Variants in CDC42BPG observed in about 807,000 individuals in gnomAD.
The protein encoded by CDC42BPG is CDC42 binding protein kinase gamma, also known as serine/threonine-protein kinase MRCK gamma.
In CDC42BPG, 157 loss-of-function variants were observed where a neutral mutation model predicts 192.2. The ratio of observed to expected loss-of-function variants is 0.82; its 90% confidence interval spans 0.72 to 0.93. The LOEUF (loss-of-function observed/expected upper bound fraction) is 0.93. Among genes scored for constraint, CDC42BPG ranks in the 40% least tolerant of loss-of-function variants. CDC42BPG has a pLI of 0.00. For synonymous variants in CDC42BPG, 981 were observed against 918.5 expected (o/e 1.07, Z -1.23); for missense variants, 1,992 against 2,122.1 (o/e 0.94, Z 1.20).
At position 64,827,351 on chromosome 11, in the gene CDC42BPG, G is replaced by A; in HGVS notation, c.4198C>T (p.Gln1400Ter). ...IPDLTDNSRR[Q>*]LFRTKSKRRF... ...CGCTTGCTCTTGGTGCGGAACAGCT[G>A]GCGCCGGCTGTTGTCGGTGAGGTCC... The change falls in exon 33 of 37, where the codon CAG becomes TAG. Residue 1400 changes from glutamine (Q) to a stop codon, truncating the protein, a stop_gained. Transcript: ENST00000342711. LOFTEE classifies it high-confidence loss of function. 3 of 1,614,136 alleles carry A rather than the reference G, an allele frequency of 1.9e-6. No individual in the cohort carries two copies. Among genetic ancestry groups the A allele is most frequent in the Non-Finnish European group, 1.7e-6 (2 of 1,179,966 alleles).
chr11:64,836,591 C>T (rs537540423), intron 11 of CDC42BPG, 61 bp from the exon 12 acceptor site: 1 of 1,464,776 alleles, frequency 6.8e-7, no homozygotes, highest in East Asian at 2.3e-5. Context: ...AGCCCAGGAG[C>T]AAGTCTCCTT....
chr11:64,836,380 ACCTCACCCACCTCACCCAGC>A (rs747679214), intron 12 of CDC42BPG, 27 bp downstream of exon 12: 36 of 1,604,588 alleles, frequency 2.2e-5, no homozygotes, highest in African/African-American at 1.1e-4. Flanking sequence ...CCACTCACCC[ACCTCACCCACCTCACCCAGC>A]CCTCACCCAC....
intron 8 of CDC42BPG, 111 bp from the exon 9 acceptor site, chr11:64,838,273 CAG>C (rs1491554309): frequency 6.5e-5 from 51 of 783,924 alleles, no homozygotes; most frequent in Non-Finnish European, 8.7e-5. Flanking sequence ...GGTGGGAACT[CAG>C]GGGGGTAACA....
Position 64,831,679 on chromosome 11 carries a change from C to A in CDC42BPG, c.3130G>T (p.Val1044Leu). 6 of 1,608,362 alleles carry A rather than the reference C, an allele frequency of 3.7e-6. No homozygotes were observed. Among genetic ancestry groups the A allele is most frequent in the Non-Finnish European group, 5.1e-6 (6 of 1,179,288 alleles). The change falls in exon 28 of 37, where the codon GTG (valine) becomes TTG (leucine). Residue 1044 changes from valine (V) to leucine (L), a missense_variant. Val to Leu is a conservative substitution (Grantham distance 32, BLOSUM62 1). Transcript: ENST00000342711. ...QLAVPPTTCT[V>L]LLLAESEGER... ...CCCTCGCTCTCTGCCAGCAGCAGCA[C>A]AGTGCACGTGGTGGGCGGCACTGCC...
At position 64,841,576 on chromosome 11, in the gene CDC42BPG, T is replaced by C. The variant is rs529410908; in HGVS notation, c.336+74A>G. 318 of 768,146 alleles carry C rather than the reference T, an allele frequency of 4.1e-4. No homozygotes were observed. The African/African-American group carries it at 5.3e-3, about 13-fold the overall frequency. The allele number at this position is 768,146 out of a possible 1,614,324, so 47.6% of individuals were successfully genotyped here. A position where few individuals can be genotyped will look rare whatever the true frequency, so the allele number is the denominator to read the frequency against. On this transcript the variant is annotated intron_variant, in intron 3 of 36. Transcript: ENST00000342711. Reference sequence around the variant, plus strand: ...AGCCTTGCCCGCCCCCCCCGCGCCATAGGCCCTGGCAGCATACACCTCCCC... The same window carrying C: ...AGCCTTGCCCGCCCCCCCCGCGCCACAGGCCCTGGCAGCATACACCTCCCC...
rs376301444 is a variant in CDC42BPG, at chr11:64,835,826, C to T, written c.1694G>A (p.Ser565Asn). The change falls in exon 14 of 37, where the codon AGC (serine) becomes AAC (asparagine). Residue 565 changes from serine to asparagine, a missense_variant. Ser to Asn is a conservative substitution (Grantham distance 46). This residue lies in a region of CDC42BPG where 1,656 missense variants were observed against 1,844.3 expected (regional missense o/e 0.90). Coordinates refer to ENST00000342711, the MANE Select transcript of CDC42BPG (RefSeq NM_017525.3). ...RELEAQVSSL[S>N]RQVTQLQGQW... ...TCCCTGCAGCTGCGTCACCTGCCGG[C>T]TCAGGGAGGACACCTGGGCCTCCAG... The T allele has an allele frequency of 7.4e-6, 12 of 1,612,564 alleles. No homozygotes were observed. Among genetic ancestry groups the T allele is most frequent in the Non-Finnish European group, 9.3e-6 (11 of 1,179,800 alleles).
At position 64,829,494 on chromosome 11, in the gene CDC42BPG, C is replaced by T. The variant is rs771853631; in HGVS notation, c.3944G>A (p.Trp1315Ter). ...GRKSRGHELL[W>*]PAAPMGWGYA... The stretch of plus-strand genomic sequence containing the variant: ...ACCCCAGCCCATGGGCGCTGCTGGC[C>T]ACAACAGCTCGTGGCCACGAGACTT... Residue 1315 changes from tryptophan to a stop codon, truncating the protein, a stop_gained, in exon 30 of 37, where the codon TGG (tryptophan) becomes TAG (stop). Transcript: ENST00000342711. LOFTEE classifies it high-confidence loss of function. 16 of 1,612,920 alleles carry T rather than the reference C, an allele frequency of 9.9e-6. No individual in the cohort carries two copies. The highest frequency in any genetic ancestry group is 1.4e-5 in the Non-Finnish European group (16 of 1,179,932).
rs746726950 is a variant in CDC42BPG, at chr11:64,839,065, C to G, written c.844G>C (p.Val282Leu). 1 of 1,613,680 alleles carries G rather than the reference C, an allele frequency of 6.2e-7. No homozygotes were observed. Among genetic ancestry groups the G allele is most frequent in the South Asian group, 1.1e-5 (1 of 91,088 alleles). ...GETPFYAESL[V>L]ETYGKIMNHE... ...TTCATGATCTTGCCGTAGGTTTCCA[C>G]CAAGGACTCAGCATAGAAGGGCGTC... The change falls in exon 7 of 37, where the codon GTG (valine) becomes CTG (leucine). Residue 282 changes from valine to leucine, a missense_variant. Val to Leu is a conservative substitution (Grantham distance 32, BLOSUM62 1). Around this residue, in one of 2 missense-constraint regions of CDC42BPG, gnomAD observed 1,656 missense variants for 1,844.3 expected, o/e 0.90. Transcript: ENST00000342711.
In CDC42BPG at chr11:64,829,755, A is replaced by G. The variant is rs1244521989; in HGVS notation, c.3683T>C (p.Val1228Ala). 6.2e-7 allele frequency: 1 copy of G among 1,605,166 alleles called. No individual in the cohort carries two copies. The highest frequency in any genetic ancestry group is 8.5e-7 in the Non-Finnish European group (1 of 1,176,824). The change falls in exon 30 of 37, where the codon GTG (valine) becomes GCG (alanine). Residue 1228 changes from valine (V) to alanine (A), a missense_variant. Physicochemically the swap from Val to Ala is moderately conservative, Grantham distance 64 (BLOSUM62 0). Coordinates refer to ENST00000342711, the MANE Select transcript of CDC42BPG (RefSeq NM_017525.3). ...RIRELQAPAT[V>A]QSLGLLGDRL... ...GTCGCCCAGCAGCCCCAGGCTCTGC[A>G]CAGTGGCAGGTGCCTGCAGCTCACG...
At position 64,824,514 on chromosome 11, in the gene CDC42BPG, G is replaced by A. The variant is rs756697600; in HGVS notation, c.4615C>T (p.Arg1539Ter). 9.3e-6 allele frequency: 15 copies of A among 1,608,578 alleles called. No individual in the cohort carries two copies. The highest frequency in any genetic ancestry group is 4.5e-5 in the East Asian group (2 of 44,872). Reference protein sequence around the residue: ...TSLMQVSERPRSLPLSPELES... With the variant: ...TSLMQVSERP The stretch of plus-strand genomic sequence containing the variant: ...AATTCAGGGGATAGGGGGAGGCTTC[G>A]GGGCCGTTCTGAGACCTGCAGGAGA... The change falls in exon 37 of 37, where the codon CGA (arginine) becomes TGA (stop). Residue 1539 changes from arginine (R) to a stop codon, truncating the protein, a stop_gained. Coordinates refer to ENST00000342711, the MANE Select transcript of CDC42BPG (RefSeq NM_017525.3). LOFTEE classifies it high-confidence loss of function.
chr11:64,827,903 C>T (rs1453967484), intron 30 of CDC42BPG, 120 bp from the exon 31 acceptor site: 3 of 792,608 alleles, frequency 3.8e-6, no homozygotes, highest in Non-Finnish European at 5.8e-6. Flanking sequence ...TCTGAAGACT[C>T]CCTGTCGCCC....
At position 64,827,595 on chromosome 11, in the gene CDC42BPG, G is replaced by C. The variant is rs368370023; in HGVS notation, c.4082C>G (p.Pro1361Arg). The C allele has an allele frequency of 7.4e-5, 119 of 1,610,692 alleles. No individual in the cohort carries two copies. Among genetic ancestry groups the C allele is most frequent in the Non-Finnish European group, 9.8e-5 (115 of 1,177,780 alleles). ...GCCGTAGAGGAACAGGGAGCCCTCT[G>C]GATTGAGGGGCCGCACCTGAGGCAG... is the stretch of plus-strand genomic sequence containing the variant. Reference protein sequence around the residue: ...VPLKKVRPLNPEGSLFLYGTE... With the variant: ...VPLKKVRPLNREGSLFLYGTE... Residue 1361 changes from proline (P) to arginine (R), a missense_variant, in exon 32 of 37, where the codon CCA becomes CGA. Pro to Arg is a moderately radical substitution (Grantham distance 103). Around this residue, in one of 2 missense-constraint regions of CDC42BPG, gnomAD observed 336 missense variants for 277.9 expected, o/e 1.21. Transcript: ENST00000342711.
In CDC42BPG at chr11:64,834,532, C is replaced by A. The variant is rs1403787674; in HGVS notation, c.2221G>T (p.Ala741Ser). Residue 741 changes from alanine to serine, a missense_variant, in exon 19 of 37, where the codon GCC becomes TCC. Around this residue, in one of 2 missense-constraint regions of CDC42BPG, gnomAD observed 1,656 missense variants for 1,844.3 expected, o/e 0.90. Transcript: ENST00000342711. ...AGCGCTGACTGCAGCTCCAGCCTGG[C>A]CGAGGCCTCCATCTTCTGCAGTCGC... ...ARRLQKMEAS[A>S]RLELQSALEA... 1 of 1,586,082 alleles carries A rather than the reference C, an allele frequency of 6.3e-7. No individual in the cohort carries two copies. Among genetic ancestry groups the A allele is most frequent in the Non-Finnish European group, 8.6e-7 (1 of 1,163,828 alleles).
Position 64,831,810 on chromosome 11 carries a change from G to C in CDC42BPG, c.3088-89C>G, listed in dbSNP as rs901332528. 3 of 1,229,952 alleles carry C rather than the reference G, an allele frequency of 2.4e-6. No individual in the cohort carries two copies. The African/African-American group carries it at 4.5e-5, about 18-fold the overall frequency. The allele number at this position is 1,229,952 out of a possible 1,614,324, so 76.2% of individuals were successfully genotyped here. ...GCCTCCAGCAGCCGCTGTGCCCCGG[G>C]GGCCTAGCGTGCACTGTCAGCAGCA... On this transcript the variant is annotated intron_variant, in intron 27 of 36. Transcript: ENST00000342711.
chr11:64,823,139 T>G lies in CDC42BPG; in HGVS notation c.*1334A>C, dbSNP rs1406249357. On this transcript the variant is annotated 3_prime_UTR_variant, in exon 37 of 37. Coordinates refer to ENST00000342711, the MANE Select transcript of CDC42BPG (RefSeq NM_017525.3). ...TCTCACTCTGTCACCCAGGCTGGAG[T>G]GCAGTGGCGCGATCTCGGCTCACTG... 2.7e-5 allele frequency among the ~76,000 whole-genome samples: 4 copies of G among 149,352 alleles called. No individual in the cohort carries two copies. Among genetic ancestry groups the G allele is most frequent in the Non-Finnish European group, 5.9e-5 (4 of 67,502 alleles).
At chr11:64,839,288 C>T (rs1046590596) in intron 6 of CDC42BPG, 55 bp from the exon 7 acceptor site, 47 of 1,600,968 alleles carry the variant, frequency 2.9e-5, no homozygotes, top group Non-Finnish European at 4.0e-5. Context: ...GCTGGGACTG[C>T]TGGCTCCTCG....
chr11:64,825,035 G>T (rs1942366170), intron 36 of CDC42BPG, among the ~76,000 whole-genome samples: 1 of 152,102 alleles, frequency 6.6e-6, no homozygotes, highest in South Asian at 2.1e-4. Flanking sequence ...TCCTGCCTCG[G>T]CCCACCAGGT....
At position 64,836,158 on chromosome 11, in the gene CDC42BPG, G is replaced by C. The variant is rs768361584; in HGVS notation, c.1627C>G (p.Leu543Val). Residue 543 changes from leucine (L) to valine (V), a missense_variant, in exon 13 of 37, where the codon CTG becomes GTG. By Grantham distance (32) the Leu-to-Val change is conservative. Around this residue, in one of 2 missense-constraint regions of CDC42BPG, gnomAD observed 1,656 missense variants for 1,844.3 expected, o/e 0.90. Coordinates refer to ENST00000342711, the MANE Select transcript of CDC42BPG (RefSeq NM_017525.3). ...EAATASQTRA[L>V]SSQLEEARAA... ...CGGGCTTCCTCCAGCTGGGAGCTCA[G>C]GGCCCGGGTCTGGCTAGCTGTGGCC... 6.3e-7 allele frequency: 1 copy of C among 1,598,582 alleles called. No homozygotes were observed. The highest frequency in any genetic ancestry group is 1.3e-5 in the African/African-American group (1 of 74,710).
chr11:64,830,240 C>A lies in CDC42BPG; in HGVS notation c.3321G>T (p.Ala1107=), dbSNP rs768435210. The A allele has an allele frequency of 1.2e-6, 2 of 1,610,660 alleles. No homozygotes were observed. Among genetic ancestry groups the A allele is most frequent in the Non-Finnish European group, 1.7e-6 (2 of 1,178,398 alleles). ...CAAILDQDRL[A]LGTEEGLFVI... ...CAAAGAGCCCCTCCTCGGTGCCAAG[C>A]GCAAGTCGATCCTGGTCTGGTAGAG... is the stretch of plus-strand genomic sequence containing the variant. Residue 1107 remains alanine, a synonymous_variant, in exon 29 of 37, where the codon GCG becomes GCT. Transcript: ENST00000342711.
Sources: allele counts gnomAD v4.1 joint callset (sites outside exome capture counted in the v4.1 genomes callset), GRCh38; gene constraint gnomAD v4.1.1; regional missense constraint gnomAD v4.1.1; transcripts MANE v1.5; gene names NCBI Gene and HGNC (gene_info 2026-07-23, HGNC 2026-07-21).